The following ADAMTSL1 variants were observed in gnomAD, a reference collection of about 807,000 sequenced individuals.
ADAMTSL1 encodes ADAMTS-like protein 1.
ADAMTSL1 carries 126 observed loss-of-function variants against 201.8 expected under a neutral mutation model. The ratio of observed to expected loss-of-function variants is 0.62; its 90% CI spans 0.54 to 0.72. ADAMTSL1 has a LOEUF of 0.72. Among genes scored for constraint, ADAMTSL1 ranks in the 30% least tolerant of loss-of-function variants. The pLI is 0.00. For synonymous variants in ADAMTSL1, 1,121 were observed against 903.4 expected, an observed-to-expected ratio of 1.24 and a Z score of -4.32; for missense variants, 2,679 against 2,277.8, an observed-to-expected ratio of 1.18 and a Z score of -3.59.
intron 1 of ADAMTSL1, among the ~76,000 whole-genome samples, chr9:18,487,764 A>G (rs1216458256): frequency 1.3e-5 from 2 of 152,186 alleles, no homozygotes; most frequent in Non-Finnish European, 2.9e-5. Flanking sequence ...TGCAGTACAG[A>G]TTATTTTCCA....
intron 2 of ADAMTSL1, among the ~76,000 whole-genome samples, chr9:18,350,733 T>A (rs1349265352): frequency 6.6e-6 from 1 of 152,100 alleles, no homozygotes. Context: ...AGGGTATACA[T>A]TTTTACTTTG....
rs529214556 is a variant in ADAMTSL1 at position 18,309,989 on chromosome 9, G to A, written c.207+146008G>A. 2.6e-5 allele frequency among the ~76,000 whole-genome samples: 4 copies of A among 152,016 alleles called. No homozygotes were observed. In the South Asian group the frequency reaches 8.4e-4, roughly 32 times the overall value. On this transcript the variant is annotated intron_variant, in intron 2 of 29. Coordinates refer to the ADAMTSL1 transcript ENST00000680146. Reference sequence around the variant, plus strand: ...GCATATTACCGGTACCAAAACAGATGTATAGTCCAATGGAACTGAACAGAG... The same window carrying A: ...GCATATTACCGGTACCAAAACAGATATATAGTCCAATGGAACTGAACAGAG...
intron 1 of ADAMTSL1, among the ~76,000 whole-genome samples, chr9:17,928,516 C>G (rs575195878): frequency 6.6e-6 from 1 of 152,170 alleles, no homozygotes; most frequent in Non-Finnish European, 1.5e-5. Flanking sequence ...TGTGTTTAGT[C>G]TTGTATGTAA....
chr9:18,556,459 A>G (rs1424911655), intron 3 of ADAMTSL1, among the ~76,000 whole-genome samples: 1 of 151,918 alleles, frequency 6.6e-6, no homozygotes, highest in Non-Finnish European at 1.5e-5. Flanking sequence ...CCCCTTCTTT[A>G]CCTTTATCTA....
intron 1 of ADAMTSL1, among the ~76,000 whole-genome samples, chr9:18,071,010 G>A (rs184148147): frequency 5.9e-5 from 9 of 152,270 alleles, no homozygotes; most frequent in Admixed American, 3.9e-4. Context: ...GGACTAGAAG[G>A]AAAGCAAAGC....
At chr9:18,437,027 A>T (rs1376274132) in intron 2 of ADAMTSL1, among the ~76,000 whole-genome samples, 1 of 151,812 alleles carries the variant, frequency 6.6e-6, no homozygotes, top group Non-Finnish European at 1.5e-5. Flanking sequence ...CAGCCTTGTT[A>T]TCTGAGCATC....
At chr9:18,255,554 T>C (rs527376726) in intron 2 of ADAMTSL1, among the ~76,000 whole-genome samples, 1 of 152,308 alleles carries the variant, frequency 6.6e-6, no homozygotes, top group African/African-American at 2.4e-5. Flanking sequence ...GCATTTCCTA[T>C]GTAATAAGAA....
chr9:18,043,027 A>G (rs1223999906), intron 1 of ADAMTSL1, among the ~76,000 whole-genome samples: 1 of 152,198 alleles, frequency 6.6e-6, no homozygotes, highest in Non-Finnish European at 1.5e-5. Context: ...ACAAAAAGTA[A>G]GGAAAAGAAA....
rs1244963570 is a variant in ADAMTSL1, at chr9:18,574,229, C to A, written c.437C>A (p.Thr146Lys). 1 of 1,614,014 alleles carries A rather than the reference C, an allele frequency of 6.2e-7. No homozygotes were observed. The highest frequency in any genetic ancestry group is 1.3e-5 in the African/African-American group (1 of 74,920). ...PKVLDGTRCY[T>K]ESLDMCISGL... ...GTCTTAGATGGTACGCGTTGCTATA[C>A]AGAATCTTTGGATATGTGCATCAGT... The change falls in exon 4 of 29, where the codon ACA (threonine) becomes AAA (lysine). Residue 146 changes from threonine (T) to lysine (K), a missense_variant. By Grantham distance (78) the Thr-to-Lys change is moderately conservative. Coordinates refer to ENST00000380548, the MANE Select transcript of ADAMTSL1 (RefSeq NM_001040272.6).
At chr9:18,749,686 C>T (rs771731703) in intron 15 of ADAMTSL1, among the ~76,000 whole-genome samples, 1 of 152,272 alleles carries the variant, frequency 6.6e-6, no homozygotes, top group African/African-American at 2.4e-5. Flanking sequence ...CAGGCCCACA[C>T]TTGCAGGCTC....
intron 14 of ADAMTSL1, among the ~76,000 whole-genome samples, chr9:18,717,614 A>C (rs1473253874): frequency 6.6e-6 from 1 of 152,168 alleles, no homozygotes; most frequent in Non-Finnish European, 1.5e-5. Context: ...TAGGATTTAC[A>C]TTATTGTACT....
At chr9:18,186,588 TA>T (rs1163430971) in intron 2 of ADAMTSL1, among the ~76,000 whole-genome samples, 1 of 152,106 alleles carries the variant, frequency 6.6e-6, no homozygotes, top group Non-Finnish European at 1.5e-5. Context: ...CAGAACTGCT[TA>T]AAAAAATTAT....
At position 17,925,265 on chromosome 9, in the gene ADAMTSL1, A is replaced by T. The variant is rs919440808; in HGVS notation, c.87+18343A>T. Reference sequence around the variant, plus strand: ...CTTTTACACTGTTAGTGGGACTGTAAACTAGTTCAACCATTGTGGAAGTCA... The same window carrying T: ...CTTTTACACTGTTAGTGGGACTGTATACTAGTTCAACCATTGTGGAAGTCA... On this transcript the variant is annotated intron_variant, in intron 1 of 29. Transcript: ENST00000680146. Among the ~76,000 whole-genome samples, 958 of 121,684 alleles carry T rather than the reference A, an allele frequency of 7.9e-3. 174 individuals carry two copies. Among genetic ancestry groups the T allele is most frequent in the African/African-American group, 0.025 (908 of 35,810 alleles). 79.8% of individuals were successfully genotyped at this position (121,684 alleles called of 152,430 possible).
intron 1 of ADAMTSL1, among the ~76,000 whole-genome samples, chr9:17,968,031 A>G (rs934321682): frequency 3.9e-5 from 6 of 152,048 alleles, no homozygotes; most frequent in African/African-American, 1.4e-4. Context: ...CTGTTACTCC[A>G]ATCTTGGGTG....
At chr9:18,762,173 A>G (rs1820107189) in intron 16 of ADAMTSL1, among the ~76,000 whole-genome samples, 1 of 152,158 alleles carries the variant, frequency 6.6e-6, no homozygotes, top group African/African-American at 2.4e-5. Context: ...CCCTTTCCTC[A>G]AAAGACTCAT....
intron 23 of ADAMTSL1, among the ~76,000 whole-genome samples, chr9:18,871,229 G>C (rs1290875668): frequency 1.3e-5 from 2 of 152,022 alleles, no homozygotes; most frequent in African/African-American, 2.4e-5. Context: ...AAATATGTTT[G>C]GTCAGTTATT....
At chr9:18,184,668 A>G (rs1828652824) in intron 2 of ADAMTSL1, among the ~76,000 whole-genome samples, 1 of 152,176 alleles carries the variant, frequency 6.6e-6, no homozygotes, top group African/African-American at 2.4e-5. Flanking sequence ...TGAATAACAA[A>G]CTCGTCTCAT....
chr9:18,318,734 T>C (rs1213974651), intron 2 of ADAMTSL1, among the ~76,000 whole-genome samples: 1 of 152,088 alleles, frequency 6.6e-6, no homozygotes, highest in Non-Finnish European at 1.5e-5. Flanking sequence ...TTTTTTTTTT[T>C]CAAATATGGT....
At chr9:18,782,553 A>G (rs1027417548) in intron 19 of ADAMTSL1, among the ~76,000 whole-genome samples, 1 of 152,220 alleles carries the variant, frequency 6.6e-6, no homozygotes, top group Non-Finnish European at 1.5e-5. Flanking sequence ...ATGCCCAGTA[A>G]CCGGCACCAA....
Sources: allele counts gnomAD v4.1 joint callset (sites outside exome capture counted in the v4.1 genomes callset), GRCh38; gene constraint gnomAD v4.1.1; transcripts MANE v1.5; gene names NCBI Gene and HGNC (gene_info 2026-07-23, HGNC 2026-07-21).